WDR70: variants seen among roughly 807,000 people sequenced by gnomAD.
WDR70 encodes WD repeat-containing protein 70.
A neutral mutation model predicts 88.6 loss-of-function variants in WDR70; 53 were observed. The ratio of observed to expected loss-of-function variants is 0.60; its 90% CI spans 0.48 to 0.75. WDR70 has a LOEUF of 0.75. WDR70 is among the 30% of genes least tolerant of loss of function. WDR70 has a pLI of 0.00. For missense variants in WDR70, 610 were observed against 823.2 expected, an observed-to-expected ratio of 0.74 and a Z score of 3.17; for synonymous variants, 280 against 270.0, an observed-to-expected ratio of 1.04 and a Z score of -0.36.
At chr5:37,678,320 C>T (rs1314731876) in intron 10 of WDR70, among the ~76,000 whole-genome samples, 1 of 152,102 alleles carries the variant, frequency 6.6e-6, no homozygotes, top group Non-Finnish European at 1.5e-5. Context: ...CAATTTCTTC[C>T]TGGTCTTGAT....
chr5:37,489,078 T>C (rs2112186260), intron 8 of WDR70, among the ~76,000 whole-genome samples: 1 of 152,354 alleles, frequency 6.6e-6, no homozygotes, highest in East Asian at 1.9e-4. Flanking sequence ...GTGGTGTCTG[T>C]GTTTTCCTCA....
intron 5 of WDR70, among the ~76,000 whole-genome samples, chr5:37,436,561 T>C (rs971314969): frequency 6.6e-6 from 1 of 152,154 alleles, no homozygotes; most frequent in Non-Finnish European, 1.5e-5. Context: ...TTATAGTGAC[T>C]TGTTTGTTCA....
At chr5:37,514,171 A>G (rs1740806348) in intron 8 of WDR70, among the ~76,000 whole-genome samples, 2 of 149,964 alleles carry the variant, frequency 1.3e-5, no homozygotes, top group African/African-American at 2.4e-5. Context: ...TCTATCCCAT[A>G]CTCAGCTAAG....
chr5:37,489,172 C>G (rs1561872613), intron 8 of WDR70, among the ~76,000 whole-genome samples: 1 of 152,324 alleles, frequency 6.6e-6, no homozygotes, highest in African/African-American at 2.4e-5. Flanking sequence ...CTTCTGGCCC[C>G]AGTGGTGGCA....
intron 10 of WDR70, among the ~76,000 whole-genome samples, chr5:37,675,619 C>A (rs1209339697): frequency 6.6e-6 from 1 of 152,084 alleles, no homozygotes; most frequent in African/African-American, 2.4e-5. Context: ...CAGTACCATG[C>A]TGTTTTGGTT....
chr5:37,480,031 A>G (rs201417419), intron 8 of WDR70, 44 bp downstream of exon 8: 14 of 1,568,850 alleles, frequency 8.9e-6, no homozygotes, highest in Admixed American at 1.9e-5. Context: ...TTCAGCACAC[A>G]TTTATTAACA....
At chr5:37,592,338 A>G (rs545483263) in intron 9 of WDR70, among the ~76,000 whole-genome samples, 2 of 152,246 alleles carry the variant, frequency 1.3e-5, no homozygotes, top group Non-Finnish European at 2.9e-5. Context: ...GTGGAGAACT[A>G]TAGAGTTTTG....
chr5:37,426,929 C>A (rs1441561180), intron 5 of WDR70, among the ~76,000 whole-genome samples: 1 of 151,844 alleles, frequency 6.6e-6, no homozygotes, highest in African/African-American at 2.4e-5. Context: ...GTGTGCACAA[C>A]CATGCCCAGC....
intron 5 of WDR70, among the ~76,000 whole-genome samples, chr5:37,422,874 C>T (rs980891352): frequency 4.6e-5 from 7 of 151,848 alleles, no homozygotes; most frequent in African/African-American, 1.5e-4. Context: ...TCGATCTGCC[C>T]GCCTCAGCCT....
At chr5:37,710,437 A>G (rs1372516788) in intron 13 of WDR70, among the ~76,000 whole-genome samples, 1 of 152,080 alleles carries the variant, frequency 6.6e-6, no homozygotes, top group Non-Finnish European at 1.5e-5. Flanking sequence ...TTGTGGTTTC[A>G]AGAATGTCAT....
At chr5:37,724,275 G>A (rs1581528433) in intron 15 of WDR70, 1 of 152,002 alleles carries the variant, frequency 6.6e-6, no homozygotes, top group African/African-American at 2.4e-5. Context: ...TTTTGACATT[G>A]AGTAAACAGT....
At chr5:37,583,585 G>A (rs1228171684) in intron 9 of WDR70, among the ~76,000 whole-genome samples, 1 of 133,438 alleles carries the variant, frequency 7.5e-6, no homozygotes, top group Non-Finnish European at 1.7e-5. Flanking sequence ...TTGAAAGGAT[G>A]ATTGACTATG....
At chr5:37,498,588 T>C (rs1740301587) in intron 8 of WDR70, among the ~76,000 whole-genome samples, 1 of 152,204 alleles carries the variant, frequency 6.6e-6, no homozygotes, top group African/African-American at 2.4e-5. Context: ...CACCTTAACA[T>C]GTCAAAAAAG....
chr5:37,453,796 T>C (rs1478902357), intron 7 of WDR70, among the ~76,000 whole-genome samples: 1 of 152,198 alleles, frequency 6.6e-6, no homozygotes, highest in Non-Finnish European at 1.5e-5. Context: ...TAAAATTTTA[T>C]CTTATTAAGA....
At chr5:37,492,724 C>T (rs555568368) in intron 8 of WDR70, among the ~76,000 whole-genome samples, 19 of 152,118 alleles carry the variant, frequency 1.2e-4, no homozygotes, top group Non-Finnish European at 2.1e-4. Context: ...GAAGGTGCTG[C>T]CTGGTTTCTT....
chr5:37,629,147 G>C (rs999860744), intron 10 of WDR70, among the ~76,000 whole-genome samples: 1 of 152,116 alleles, frequency 6.6e-6, no homozygotes, highest in African/African-American at 2.4e-5. Flanking sequence ...GATATCTGCT[G>C]TTAGCCTAAT....
At chr5:37,437,810 T>A in intron 5 of WDR70, 112 bp from the exon 6 acceptor site, 1 of 1,067,278 alleles carries the variant, frequency 9.4e-7, no homozygotes, top group Non-Finnish European at 1.3e-6. Context: ...AGCTTTGTGT[T>A]TAAAAACCAA....
chr5:37,527,914 CA>C (rs1189641873), intron 9 of WDR70, among the ~76,000 whole-genome samples: 1 of 152,160 alleles, frequency 6.6e-6, no homozygotes, highest in Non-Finnish European at 1.5e-5. Context: ...AAATTCAAAT[CA>C]AAACCACAAT....
chr5:37,551,797 G>A (rs1181409165), intron 9 of WDR70, among the ~76,000 whole-genome samples: 1 of 139,410 alleles, frequency 7.2e-6, no homozygotes, highest in Admixed American at 7.2e-5. Context: ...TTTTGAGACG[G>A]AGTCTCACTC....
Sources: allele counts gnomAD v4.1 joint callset (sites outside exome capture counted in the v4.1 genomes callset), GRCh38; gene constraint gnomAD v4.1.1; transcripts MANE v1.5; gene names NCBI Gene and HGNC (gene_info 2026-07-23, HGNC 2026-07-21).